Variants in POLR1A observed in about 807,000 individuals in gnomAD.
POLR1A encodes the protein RNA polymerase I subunit A.
A neutral mutation model predicts 205.3 loss-of-function variants in POLR1A; 84 were observed. The observed-to-expected ratio is 0.41, with a 90% CI of 0.34 to 0.49. POLR1A has a LOEUF of 0.49. POLR1A is among the 20% of genes least tolerant of loss of function. POLR1A has a pLI of 0.22. For missense variants in POLR1A, 1,645 were observed against 2,204.5 expected (o/e 0.75, Z 5.08); for synonymous variants, 799 against 863.7 (o/e 0.93, Z 1.31).
rs559154673 is a variant in POLR1A, at chr2:86,070,045, G to A, written c.1839C>T (p.Cys613=). The part of the protein sequence containing the change: ...LGRAEAYVLA[C]TDQQYLVPKD... Reference sequence around the variant, plus strand: ...TGGGAACAAGGTACTGCTGATCAGTGCAGGCCAGGACGTAGGCCTCGGCCC... The same window carrying A: ...TGGGAACAAGGTACTGCTGATCAGTACAGGCCAGGACGTAGGCCTCGGCCC... Residue 613 remains cysteine, a synonymous_variant, in exon 13 of 34, where the codon TGC becomes TGT. Coordinates refer to ENST00000263857, the MANE Select transcript of POLR1A (RefSeq NM_015425.6). The surrounding 1 kb of genome is among the most constrained non-coding windows in gnomAD (Gnocchi z 4.4). 2 of 1,613,852 alleles carry A rather than the reference G, an allele frequency of 1.2e-6. No individual in the cohort carries two copies. Among genetic ancestry groups the A allele is most frequent in the South Asian group, 1.1e-5 (1 of 91,046 alleles).
intron 27 of POLR1A, among the ~76,000 whole-genome samples, chr2:86,038,209 C>A (rs1018538112): frequency 6.6e-6 from 1 of 152,236 alleles, no homozygotes; most frequent in Non-Finnish European, 1.5e-5. Flanking sequence ...TCTCTGGAGG[C>A]AATCCTGGTT....
intron 3 of POLR1A, among the ~76,000 whole-genome samples, 153 bp downstream of exon 3, chr2:86,098,458 T>A (rs180887351): frequency 9.4e-4 from 143 of 152,356 alleles, no homozygotes; most frequent in Non-Finnish European, 1.4e-3. Context: ...AGCTTCCTGT[T>A]TTCACACTCA....
intron 3 of POLR1A, among the ~76,000 whole-genome samples, chr2:86,095,473 G>A (rs1038582867): frequency 3.3e-5 from 5 of 152,132 alleles, no homozygotes; most frequent in East Asian, 1.9e-4. Flanking sequence ...ATTTTGCCAC[G>A]TTGCTTCAAA....
At chr2:86,088,896 A>G (rs777233897) in intron 4 of POLR1A, 26 bp from the exon 5 acceptor site, 3 of 1,503,926 alleles carry the variant, frequency 2.0e-6, no homozygotes, top group Non-Finnish European at 2.8e-6. Context: ...AAGTCAGAGA[A>G]CCTTGGAGTG....
intron 3 of POLR1A, among the ~76,000 whole-genome samples, 181 bp from the exon 4 acceptor site, chr2:86,090,110 A>C (rs1673575163): frequency 6.6e-6 from 1 of 152,042 alleles, no homozygotes; most frequent in South Asian, 2.1e-4. Context: ...AAAATCAAAC[A>C]AGGTCAGGCG....
chr2:86,063,133 C>T (rs1422459423), intron 14 of POLR1A, among the ~76,000 whole-genome samples: 2 of 151,964 alleles, frequency 1.3e-5, no homozygotes, highest in African/African-American at 4.8e-5. Flanking sequence ...GTTGGGAGTT[C>T]GAGCCCAGCC....
In POLR1A at chr2:86,049,237, C is replaced by T. The variant is rs749976495; in HGVS notation, c.2398G>A (p.Glu800Lys). Residue 800 changes from glutamate to lysine, a missense_variant, in exon 17 of 34, where the codon GAA becomes AAA. Glu to Lys is a moderately conservative substitution (Grantham distance 56). Around this residue, in one of 16 missense-constraint regions of POLR1A, gnomAD observed 339 missense variants for 415.1 expected, o/e 0.82. Transcript: ENST00000263857. Reference sequence around the variant, plus strand: ...GCCTTTGGCTTCACCAAAATGTCTTCCACGCCTGTGAAGTGAAACAGACAA... The same window carrying T: ...GCCTTTGGCTTCACCAAAATGTCTTTCACGCCTGTGAAGTGAAACAGACAA... Reference protein sequence around the residue: ...QLYRGFTLGVEDILVKPKADV... With the variant: ...QLYRGFTLGVKDILVKPKADV... 2 of 1,612,996 alleles carry T rather than the reference C, an allele frequency of 1.2e-6. No individual in the cohort carries two copies. Among genetic ancestry groups the T allele is most frequent in the Non-Finnish European group, 1.7e-6 (2 of 1,179,010 alleles).
intron 13 of POLR1A, 92 bp downstream of exon 13, chr2:86,069,926 T>C: frequency 7.1e-7 from 1 of 1,403,264 alleles, no homozygotes; most frequent in East Asian, 2.4e-5. Flanking sequence ...GTCCTGGAGC[T>C]GCCCAATGAC....
In POLR1A at chr2:86,065,449, G is replaced by A. The variant is rs755307240; in HGVS notation, c.1883C>T (p.Ala628Val). The A allele has an allele frequency of 2.5e-6, 4 of 1,612,588 alleles. No individual in the cohort carries two copies. The highest frequency in any genetic ancestry group is 1.1e-5 in the South Asian group (1 of 90,788). ...YLVPKDGQPL[A>V]GLIQDHMVSG... is the part of the protein sequence containing the mutation. ...AACCATGTGATCCTGGATCAGTCCCGCCAATGGTTGGCCATCCTATAAGCC... is the reference window on the plus strand; with the variant it reads ...AACCATGTGATCCTGGATCAGTCCCACCAATGGTTGGCCATCCTATAAGCC... Residue 628 changes from alanine to valine, a missense_variant, in exon 14 of 34, where the codon GCG (alanine) becomes GTG (valine). Physicochemically the swap from Ala to Val is moderately conservative, Grantham distance 64 (BLOSUM62 0). Around this residue, in one of 16 missense-constraint regions of POLR1A, gnomAD observed 24 missense variants for 52.1 expected, o/e 0.46. Transcript: ENST00000263857.
At chr2:86,041,633 C>A (rs1028695949) in intron 24 of POLR1A, among the ~76,000 whole-genome samples, 2 of 151,936 alleles carry the variant, frequency 1.3e-5, no homozygotes, top group African/African-American at 4.9e-5. Context: ...GCAGACTTTC[C>A]TGCAAGCCTC....
In POLR1A at chr2:86,026,308, C is replaced by T. The variant is rs540736581; in HGVS notation, c.*1115G>A. The T allele has an allele frequency of 6.6e-6, 1 of 152,322 alleles. No individual in the cohort carries two copies. The highest frequency in any genetic ancestry group is 2.1e-4 in the South Asian group (1 of 4,828). The allele number at this position is 152,322 out of a possible 1,614,324, so 9.4% of individuals were successfully genotyped here. Reference sequence around the variant, plus strand: ...GGGTTCTCAAATCCAAATGCAGAAACTGCAAACCAAGGGAAAAAATTGTTG... The same window carrying T: ...GGGTTCTCAAATCCAAATGCAGAAATTGCAAACCAAGGGAAAAAATTGTTG... On this transcript the variant is annotated 3_prime_UTR_variant, in exon 34 of 34. Coordinates refer to ENST00000263857, the MANE Select transcript of POLR1A (RefSeq NM_015425.6).
chr2:86,062,660 A>G (rs1036238387), intron 14 of POLR1A, among the ~76,000 whole-genome samples: 18 of 152,254 alleles, frequency 1.2e-4, no homozygotes, highest in Admixed American at 7.8e-4. Flanking sequence ...GGAAAAAAAA[A>G]AGAGCAAATT....
intron 26 of POLR1A, 132 bp downstream of exon 26, chr2:86,039,195 G>A: frequency 2.0e-6 from 2 of 998,112 alleles, no homozygotes; most frequent in African/African-American, 1.6e-5. Context: ...ACCTGGCAGA[G>A]ACAGCTTATC....
In POLR1A at chr2:86,080,960, G is replaced by A. The variant is rs1284505641; in HGVS notation, c.942C>T (p.Arg314=). The A allele has an allele frequency of 2.5e-6, 4 of 1,612,922 alleles. No homozygotes were observed. The highest frequency in any genetic ancestry group is 2.5e-6 in the Non-Finnish European group (3 of 1,179,426). ...VPPSRYRPVS[R]LGDQMFTNGQ... is the part of the protein sequence containing the mutation. ...CATTAGTAAACATCTGGTCTCCTAGGCGACTGACTGGGCGATACCTGCAGG... is the reference window on the plus strand; with the variant it reads ...CATTAGTAAACATCTGGTCTCCTAGACGACTGACTGGGCGATACCTGCAGG... The change falls in exon 9 of 34, where the codon CGC becomes CGT. Residue 314 remains arginine, a synonymous_variant. Transcript: ENST00000263857.
rs2278534 is a variant in POLR1A, at chr2:86,042,760, C to A, written c.3357+214G>T. On this transcript the variant is annotated intron_variant, in intron 23 of 33. Transcript: ENST00000263857. ...CTGGGATCGCGGGGAACCCCGAAGT[C>A]ACAGGCCCCAGTTAGTCCCCCCAAA... Among the ~76,000 whole-genome samples the A allele has an allele frequency of 6.6e-3, 968 of 146,338 alleles. 23 individuals are homozygous for A. In the East Asian group the frequency reaches 0.097, roughly 15 times the overall value.
chr2:86,041,996 G>A lies in POLR1A; in HGVS notation c.3465C>T (p.Tyr1155=). The change falls in exon 24 of 34, where the codon TAC becomes TAT. Residue 1155 remains tyrosine, a synonymous_variant. Transcript: ENST00000263857. ...PSLSVWRPDI[Y]FASVSETFET... The stretch of plus-strand genomic sequence containing the variant: ...CAAATGTTTCTGACACTGATGCAAA[G>A]TAGATGTCAGGACGCCAGACAGACA... 1 of 1,614,054 alleles carries A rather than the reference G, an allele frequency of 6.2e-7. No homozygotes were observed. The highest frequency in any genetic ancestry group is 8.5e-7 in the Non-Finnish European group (1 of 1,179,904).
At chr2:86,085,597 G>C (rs1272448886) in intron 6 of POLR1A, among the ~76,000 whole-genome samples, 1 of 152,146 alleles carries the variant, frequency 6.6e-6, no homozygotes, top group Non-Finnish European at 1.5e-5. Context: ...AAGAAGATCG[G>C]TCGAATCTCC....
chr2:86,052,870 C>T lies in POLR1A; in HGVS notation c.2339G>A (p.Cys780Tyr). 6.3e-7 allele frequency: 1 copy of T among 1,599,516 alleles called. No individual in the cohort carries two copies. The highest frequency in any genetic ancestry group is 2.3e-5 in the East Asian group (1 of 43,466). ...GTAGGCGGTGAAGAGGCGGGCCAGG[C>T]AGGTTAGAACCTTGCCGCTGGTCTC... ...GGETSGKVLT[C>Y]LARLFTAYLQ... Residue 780 changes from cysteine (C) to tyrosine (Y), a missense_variant, in exon 16 of 34, where the codon TGC becomes TAC. Cys to Tyr is a radical substitution (Grantham distance 194). This residue lies in a region of POLR1A where 339 missense variants were observed against 415.1 expected (regional missense o/e 0.82). Transcript: ENST00000263857.
chr2:86,098,542 T>A, intron 3 of POLR1A, 69 bp downstream of exon 3: 1 of 1,500,026 alleles, frequency 6.7e-7, no homozygotes, highest in South Asian at 1.2e-5. Context: ...TAGGACAACA[T>A]ACAAGCATCT....
Sources: gnomAD v4.1 joint callset for allele counts (sites outside exome capture counted in the v4.1 genomes callset) on GRCh38, gnomAD v4.1.1 for gene constraint, gnomAD v4.1.1 regional missense constraint, Gnocchi (gnomAD v3.1) non-coding constraint, MANE v1.5 for transcripts, NCBI Gene and HGNC (gene_info 2026-07-23, HGNC 2026-07-21) for gene names.